MMP16: variants seen among roughly 807,000 people sequenced by gnomAD.
The protein encoded by MMP16 is matrix metalloproteinase-16.
MMP16 carries 12 observed loss-of-function variants against 67.8 expected under a neutral mutation model. The observed-to-expected ratio is 0.18, with a 90% CI of 0.11 to 0.29. The LOEUF (loss-of-function observed/expected upper bound fraction) is 0.29. Ranked by LOEUF, MMP16 falls within the 10% of genes least tolerant of loss-of-function variation. MMP16 has a pLI of 1.00. For missense variants in MMP16, 475 were observed against 765.7 expected (o/e 0.62, Z 4.48); for synonymous variants, 249 against 255.9 (o/e 0.97, Z 0.26).
chr8:88,101,479 T>C (rs547879540), intron 6 of MMP16, among the ~76,000 whole-genome samples: 1 of 152,002 alleles, frequency 6.6e-6, no homozygotes, highest in African/African-American at 2.4e-5. Context: ...GAGGTTTATG[T>C]GTCAATGGCA....
At chr8:88,307,698 C>T (rs1333374030) in intron 1 of MMP16, among the ~76,000 whole-genome samples, 2 of 151,890 alleles carry the variant, frequency 1.3e-5, no homozygotes, top group Non-Finnish European at 2.9e-5. Flanking sequence ...TTACTTAATA[C>T]TGCTCTGGAA....
chr8:88,096,310 G>T (rs982047938), intron 6 of MMP16, among the ~76,000 whole-genome samples: 1 of 151,876 alleles, frequency 6.6e-6, no homozygotes, highest in Admixed American at 6.6e-5. Flanking sequence ...CTGGCCTTCA[G>T]AGTTTTAGAT....
intron 1 of MMP16, among the ~76,000 whole-genome samples, chr8:88,311,641 C>G (rs562512675): frequency 6.6e-6 from 1 of 151,928 alleles, no homozygotes; most frequent in Non-Finnish European, 1.5e-5. Flanking sequence ...TTTAAAAATT[C>G]TCTTAGATTT....
chr8:88,055,428 G>T (rs1191214864), intron 8 of MMP16, among the ~76,000 whole-genome samples: 1 of 152,074 alleles, frequency 6.6e-6, no homozygotes, highest in Non-Finnish European at 1.5e-5. Context: ...GGCTGGTCTC[G>T]AACTCCTGAG....
At chr8:88,144,161 G>T (rs1343613729) in intron 4 of MMP16, among the ~76,000 whole-genome samples, 1 of 151,908 alleles carries the variant, frequency 6.6e-6, no homozygotes. Flanking sequence ...TACTTAATAT[G>T]CATACAAATG....
chr8:88,299,507 C>T (rs763908866), intron 1 of MMP16, among the ~76,000 whole-genome samples: 11 of 152,044 alleles, frequency 7.2e-5, no homozygotes, highest in South Asian at 2.1e-4. Context: ...AAAGCACCAC[C>T]GCGACATTCC....
intron 4 of MMP16, among the ~76,000 whole-genome samples, chr8:88,161,270 T>C (rs966259458): frequency 3.9e-5 from 6 of 152,202 alleles, no homozygotes; most frequent in African/African-American, 1.4e-4. Context: ...CCTGGTTTAG[T>C]CTTGGGACGG....
At chr8:88,048,837 G>A (rs952051902) in intron 8 of MMP16, among the ~76,000 whole-genome samples, 3 of 152,120 alleles carry the variant, frequency 2.0e-5, no homozygotes, top group African/African-American at 7.2e-5. Context: ...CATTTTATCT[G>A]AAATTAGAAA....
intron 3 of MMP16, among the ~76,000 whole-genome samples, chr8:88,181,009 T>C (rs913880326): frequency 2.2e-4 from 33 of 152,124 alleles, no homozygotes; most frequent in Admixed American, 1.4e-3. Flanking sequence ...TATATACTTT[T>C]AGCAAACTAA....
chr8:88,285,646 T>A (rs932066701), intron 1 of MMP16, among the ~76,000 whole-genome samples: 2 of 152,132 alleles, frequency 1.3e-5, no homozygotes, highest in Non-Finnish European at 2.9e-5. Context: ...CTTTTGATGA[T>A]CTTGTCTCTA....
At chr8:88,288,814 TGAA>T (rs1810874561) in intron 1 of MMP16, among the ~76,000 whole-genome samples, 2 of 152,328 alleles carry the variant, frequency 1.3e-5, no homozygotes, top group South Asian at 4.1e-4. Flanking sequence ...GTGATGTAGA[TGAA>T]GATATATTTA....
At chr8:88,099,976 T>C (rs1288217265) in intron 6 of MMP16, among the ~76,000 whole-genome samples, 1 of 151,882 alleles carries the variant, frequency 6.6e-6, no homozygotes, top group South Asian at 2.1e-4. Flanking sequence ...ATTCTCCTCA[T>C]ACAGAATATC....
intron 1 of MMP16, among the ~76,000 whole-genome samples, chr8:88,260,199 TTC>T (rs1810365001): frequency 1.3e-5 from 2 of 152,178 alleles, no homozygotes; most frequent in African/African-American, 4.8e-5. Context: ...GTTCAACTGC[TTC>T]GCACAAAAAA....
intron 1 of MMP16, chr8:88,326,856 A>G: frequency 2.0e-6 from 1 of 495,688 alleles, no homozygotes; most frequent in Admixed American, 3.3e-5. Flanking sequence ...TTGAGCGCGC[A>G]GCATCGTGCT....
intron 4 of MMP16, among the ~76,000 whole-genome samples, chr8:88,124,949 A>T (rs1807902394): frequency 6.6e-6 from 1 of 151,908 alleles, no homozygotes; most frequent in African/African-American, 2.4e-5. Context: ...AACTAATCTC[A>T]TTAACTGGAC....
chr8:88,142,119 A>C (rs1808221790), intron 4 of MMP16, among the ~76,000 whole-genome samples: 1 of 151,786 alleles, frequency 6.6e-6, no homozygotes, highest in East Asian at 1.9e-4. Flanking sequence ...CATGTTGCCC[A>C]GGCTGGTCTT....
At chr8:88,061,637 A>G (rs1246659441) in intron 7 of MMP16, among the ~76,000 whole-genome samples, 2 of 152,060 alleles carry the variant, frequency 1.3e-5, no homozygotes, top group Admixed American at 1.3e-4. Context: ...TGGTTCACAG[A>G]AGCTTAGTTT....
chr8:88,085,049 CACATATTGTGATACCA>C (rs1343875490), intron 6 of MMP16, among the ~76,000 whole-genome samples: 3 of 86,842 alleles, frequency 3.5e-5, no homozygotes, highest in African/African-American at 4.5e-5. Context: ...AATGTAAGAT[CACATATTGTGATACCA>C]TGCAAACATT....
At chr8:88,281,729 AG>A (rs1810740801) in intron 1 of MMP16, among the ~76,000 whole-genome samples, 1 of 152,172 alleles carries the variant, frequency 6.6e-6, no homozygotes, top group South Asian at 2.1e-4. Context: ...GCCCCCTGTC[AG>A]GGGGTGGACA....
Sources: gnomAD v4.1 joint callset for allele counts (sites outside exome capture counted in the v4.1 genomes callset) on GRCh38, gnomAD v4.1.1 for gene constraint, MANE v1.5 for transcripts, NCBI Gene and HGNC (gene_info 2026-07-23, HGNC 2026-07-21) for gene names.